Variants in SPAG16 observed in about 807,000 individuals in gnomAD.
SPAG16 encodes the protein sperm-associated antigen 16 protein.
SPAG16 carries 86 observed loss-of-function variants against 80.4 expected under a neutral mutation model. That is an observed-to-expected ratio of 1.07 (90% CI 0.90 to 1.28). SPAG16 has a LOEUF of 1.28. Ranked by LOEUF, SPAG16 falls within the 50% of genes most tolerant of loss-of-function variation. The pLI is 0.00. For missense variants in SPAG16, 870 were observed against 765.3 expected (o/e 1.14, Z -1.61); for synonymous variants, 294 against 265.9 (o/e 1.11, Z -1.03).
At chr2:213,388,633 G>A (rs1470942391) in intron 9 of SPAG16, among the ~76,000 whole-genome samples, 1 of 152,122 alleles carries the variant, frequency 6.6e-6, no homozygotes, top group Non-Finnish European at 1.5e-5. Context: ...GGAAGGAGGA[G>A]AATCTGATTT....
chr2:214,276,844 C>G (rs1178770589), intron 15 of SPAG16, among the ~76,000 whole-genome samples: 1 of 152,170 alleles, frequency 6.6e-6, no homozygotes, highest in African/African-American at 2.4e-5. Flanking sequence ...GCCTGCCTTA[C>G]TAGGTTGGGG....
At chr2:214,052,836 G>A (rs1161039173) in intron 13 of SPAG16, among the ~76,000 whole-genome samples, 1 of 152,102 alleles carries the variant, frequency 6.6e-6, no homozygotes, top group Admixed American at 6.6e-5. Context: ...CGAAAAAAGG[G>A]AAACTTCATA....
At chr2:213,332,178 A>T (rs961653450) in intron 5 of SPAG16, among the ~76,000 whole-genome samples, 3 of 152,314 alleles carry the variant, frequency 2.0e-5, no homozygotes, top group African/African-American at 7.2e-5. Flanking sequence ...AAAGACCCAA[A>T]TAAGTAAAAT....
chr2:213,787,955 G>T (rs2070446144), intron 10 of SPAG16, among the ~76,000 whole-genome samples: 1 of 152,110 alleles, frequency 6.6e-6, no homozygotes, highest in South Asian at 2.1e-4. Flanking sequence ...GTCACTACTT[G>T]AGAAAGACTA....
intron 15 of SPAG16, among the ~76,000 whole-genome samples, chr2:214,250,745 T>TAG (rs1398273243): frequency 2.1e-4 from 18 of 86,214 alleles, no homozygotes; most frequent in Non-Finnish European, 4.1e-4. Context: ...TATATATATA[T>TAG]ATATATATAT....
In SPAG16 at chr2:213,620,288, T is replaced by TTTTG. The variant is rs1222719434; in HGVS notation, c.1070+130201_1070+130202insGTTT. The stretch of plus-strand genomic sequence containing the variant: ...TTAACAATAATTTATTGAGTTTTTT[T>TTTTG]TTTTTTTTTTTTTTTTTTTTTTGAG... On this transcript the variant is annotated intron_variant, in intron 10 of 15. Coordinates refer to ENST00000331683, the MANE Select transcript of SPAG16 (RefSeq NM_024532.5). 3.2e-4 allele frequency among the ~76,000 whole-genome samples: 39 copies of TTTTG among 123,004 alleles called. 2 individuals carry two copies. Among genetic ancestry groups the TTTTG allele is most frequent in the African/African-American group, 1.1e-3 (35 of 31,200 alleles). The allele number at this position is 123,004 out of a possible 152,430, so 80.7% of individuals were successfully genotyped here. A position where few individuals can be genotyped will look rare whatever the true frequency, so the allele number is the denominator to read the frequency against.
At chr2:213,804,881 G>T (rs1011267552) in intron 10 of SPAG16, among the ~76,000 whole-genome samples, 2 of 152,196 alleles carry the variant, frequency 1.3e-5, no homozygotes, top group East Asian at 3.9e-4. Context: ...GCCAATTCAC[G>T]TCGTGCCTCT....
intron 10 of SPAG16, among the ~76,000 whole-genome samples, chr2:213,607,104 G>T (rs1574473349): frequency 6.6e-6 from 1 of 152,120 alleles, no homozygotes; most frequent in African/African-American, 2.4e-5. Context: ...CTTGAAAATT[G>T]ATCAGTTTCG....
chr2:213,773,087 A>G (rs1405463777), intron 10 of SPAG16, among the ~76,000 whole-genome samples: 1 of 151,986 alleles, frequency 6.6e-6, no homozygotes, highest in African/African-American at 2.4e-5. Flanking sequence ...ATTTTGATAT[A>G]TGCATCATAT....
At chr2:213,325,259 A>G (rs2063793256) in intron 5 of SPAG16, among the ~76,000 whole-genome samples, 1 of 148,788 alleles carries the variant, frequency 6.7e-6, no homozygotes, top group Non-Finnish European at 1.5e-5. Flanking sequence ...TTTTTATGGT[A>G]TTTATTTTGA....
At chr2:213,702,297 G>T (rs574837374) in intron 10 of SPAG16, among the ~76,000 whole-genome samples, 1 of 152,198 alleles carries the variant, frequency 6.6e-6, no homozygotes, top group African/African-American at 2.4e-5. Context: ...CAGGCTGCCC[G>T]AGCCAGCTGC....
At chr2:213,305,876 C>T (rs1175464793) in intron 3 of SPAG16, among the ~76,000 whole-genome samples, 1 of 152,158 alleles carries the variant, frequency 6.6e-6, no homozygotes, top group Non-Finnish European at 1.5e-5. Flanking sequence ...TTTTGAAGTA[C>T]TCCCTTTTCT....
intron 10 of SPAG16, among the ~76,000 whole-genome samples, chr2:213,683,536 G>A (rs1184563994): frequency 1.3e-5 from 2 of 151,618 alleles, no homozygotes; most frequent in Admixed American, 6.6e-5. Context: ...GGATGATAGA[G>A]TGAGACTCCA....
intron 9 of SPAG16, chr2:213,422,617 T>C: frequency 3.0e-6 from 1 of 329,110 alleles, no homozygotes; most frequent in Non-Finnish European, 5.7e-6. Flanking sequence ...AGTGACACCC[T>C]AGGGATCCTG....
chr2:214,356,607 A>G (rs1237775081), intron 15 of SPAG16, among the ~76,000 whole-genome samples: 1 of 151,946 alleles, frequency 6.6e-6, no homozygotes, highest in South Asian at 2.1e-4. Flanking sequence ...TCATAGTTAT[A>G]TACTCTATTT....
At chr2:214,405,514 G>C (rs929836956) in intron 15 of SPAG16, among the ~76,000 whole-genome samples, 4 of 152,146 alleles carry the variant, frequency 2.6e-5, no homozygotes, top group African/African-American at 9.7e-5. Context: ...CCCAAATCAA[G>C]GCTGGGCACA....
At chr2:213,477,489 C>T (rs1238500733) in intron 9 of SPAG16, among the ~76,000 whole-genome samples, 1 of 152,182 alleles carries the variant, frequency 6.6e-6, no homozygotes, top group Non-Finnish European at 1.5e-5. Context: ...CCATGGGAGC[C>T]CATCTCATGC....
rs549493443 is a variant in SPAG16 at position 213,973,404 on chromosome 2, G to T, written c.1401-40547G>T. On this transcript the variant is annotated intron_variant, in intron 12 of 15. Coordinates refer to ENST00000331683, the MANE Select transcript of SPAG16 (RefSeq NM_024532.5). ...CTGCTCTTGGTGGGATCCAAGATATGAAACAGAAACAAGAACATTATGTCA... is the reference window on the plus strand; with the variant it reads ...CTGCTCTTGGTGGGATCCAAGATATTAAACAGAAACAAGAACATTATGTCA... Among the ~76,000 whole-genome samples, 5 of 152,070 alleles carry T rather than the reference G, an allele frequency of 3.3e-5. No homozygotes were observed. The South Asian group carries it at 1.0e-3, about 32-fold the overall frequency.
At chr2:213,610,388 C>G (rs2061403471) in intron 10 of SPAG16, among the ~76,000 whole-genome samples, 1 of 152,112 alleles carries the variant, frequency 6.6e-6, no homozygotes, top group South Asian at 2.1e-4. Context: ...TTTTGAAAAT[C>G]TGAAAGAAAC....
Sources: gnomAD v4.1 joint callset for allele counts (sites outside exome capture counted in the v4.1 genomes callset) on GRCh38, gnomAD v4.1.1 for gene constraint, MANE v1.5 for transcripts, NCBI Gene and HGNC (gene_info 2026-07-23, HGNC 2026-07-21) for gene names.